Variants in RASA3 observed in about 807,000 individuals in gnomAD.
RASA3 encodes the protein ras GTPase-activating protein 3.
In RASA3, 73 loss-of-function variants were observed where a neutral mutation model predicts 110.0. That is an observed-to-expected ratio of 0.66 (90% CI 0.55 to 0.81). RASA3 has a LOEUF of 0.81. Among genes scored for constraint, RASA3 ranks in the 30% least tolerant of loss-of-function variants. The pLI is 0.00. For synonymous variants in RASA3, 500 were observed against 451.4 expected (o/e 1.11, Z -1.37); for missense variants, 976 against 1,113.2 (o/e 0.88, Z 1.75).
At chr13:113,996,915 C>T (rs1322965261) in intron 20 of RASA3, among the ~76,000 whole-genome samples, 176 bp from the exon 21 acceptor site, 1 of 152,252 alleles carries the variant, frequency 6.6e-6, no homozygotes, top group Non-Finnish European at 1.5e-5. Flanking sequence ...CCAGGGGGTG[C>T]ATGGAGCTCT....
intron 3 of RASA3, 143 bp downstream of exon 3, chr13:114,051,909 G>A: frequency 1.6e-6 from 1 of 609,236 alleles, no homozygotes; most frequent in Non-Finnish European, 2.9e-6. Flanking sequence ...GAGCAGATCA[G>A]GAGGAACACC....
intron 8 of RASA3, 34 bp from the exon 9 acceptor site, chr13:114,021,542 G>C (rs372525625): frequency 1.1e-5 from 18 of 1,586,670 alleles, no homozygotes; most frequent in Non-Finnish European, 1.6e-5. Flanking sequence ...TCTAGCTGAC[G>C]GCGGGCAGCC....
chr13:114,017,154 G>T (rs1480683588), intron 12 of RASA3, 83 bp downstream of exon 12: 5 of 1,273,002 alleles, frequency 3.9e-6, no homozygotes, highest in Non-Finnish European at 5.7e-6. Context: ...TCGTGGTCTG[G>T]CTGGATCCCA....
At position 114,018,250 on chromosome 13, in the gene RASA3, G is replaced by A. The variant is rs764185294; in HGVS notation, c.945C>T (p.Pro315=). 14 of 1,550,860 alleles carry A rather than the reference G, an allele frequency of 9.0e-6. No individual in the cohort carries two copies. The highest frequency in any genetic ancestry group is 6.8e-5 in the African/African-American group (5 of 73,090). The change falls in exon 11 of 24, where the codon CCC becomes CCT. Residue 315 remains proline, a splice_region_variant and synonymous_variant. Coordinates refer to ENST00000334062, the MANE Select transcript of RASA3 (RefSeq NM_007368.4). The part of the protein sequence containing the change: ...DLLLKSADVE[P]VSASAAHILG... ...GGATGTGGGCCGCAGACGCTGACAC[G>A]GGCTGCGGGGAGGGGTGAGGTCAGT...
chr13:114,009,915 A>G (rs1594313928), intron 16 of RASA3, among the ~76,000 whole-genome samples: 2 of 152,304 alleles, frequency 1.3e-5, no homozygotes, highest in East Asian at 3.9e-4. Context: ...CACACGGGGA[A>G]GTGGAGGCAC....
rs1193773605 is a variant in RASA3, at chr13:113,978,181, C to CCCCT, written c.*1162_*1165dup. 1 of 152,194 alleles carries CCCCT rather than the reference C, an allele frequency of 6.6e-6. No individual in the cohort carries two copies. Among genetic ancestry groups the CCCCT allele is most frequent in the African/African-American group, 2.4e-5 (1 of 41,424 alleles). The allele number at this position is 152,194 out of a possible 1,614,324, so 9.4% of individuals were successfully genotyped here. On this transcript the variant is annotated 3_prime_UTR_variant, in exon 24 of 24. Transcript: ENST00000334062. The stretch of plus-strand genomic sequence containing the variant: ...GCCTGGACCCCATTTTTAGGATGCT[C>CCCCT]CCCTCCCCAATAAAACAGCAGCCCC...
At chr13:114,083,095 T>C (rs1265974333) in intron 1 of RASA3, among the ~76,000 whole-genome samples, 2 of 152,212 alleles carry the variant, frequency 1.3e-5, no homozygotes, top group Non-Finnish European at 2.9e-5. Context: ...CAAATTATAT[T>C]AAGCTGACAT....
At chr13:114,132,395 G>T in intron 1 of RASA3, 40 bp downstream of exon 1, 1 of 1,485,872 alleles carries the variant, frequency 6.7e-7, no homozygotes. Flanking sequence ...GACAGGGTCG[G>T]GCCGGGGGGT....
At chr13:114,032,462 A>G (rs7334530) in intron 4 of RASA3, among the ~76,000 whole-genome samples, 93,246 of 152,102 alleles carry the variant, frequency 0.61, 28,625 homozygotes, top group Middle Eastern at 0.75. Flanking sequence ...CCACAACCTC[A>G]GCCTCCCCAC....
At chr13:114,102,542 C>T (rs939177572) in intron 1 of RASA3, among the ~76,000 whole-genome samples, 3 of 152,162 alleles carry the variant, frequency 2.0e-5, no homozygotes, top group African/African-American at 4.8e-5. Flanking sequence ...ACGTTTTGTG[C>T]CAGCACTGCC....
At chr13:113,996,485 C>G in intron 21 of RASA3, 46 bp downstream of exon 21, 1 of 1,567,352 alleles carries the variant, frequency 6.4e-7, no homozygotes, top group South Asian at 1.1e-5. Context: ...CCCTTGGCCA[C>G]ATTTCCTGCA....
chr13:114,011,295 G>T lies in RASA3; in HGVS notation c.1513-47C>A. On this transcript the variant is annotated intron_variant, in intron 15 of 23. Coordinates refer to ENST00000334062, the MANE Select transcript of RASA3 (RefSeq NM_007368.4). The surrounding 1 kb of genome is among the most constrained non-coding windows in gnomAD (Gnocchi z 4.8). The stretch of plus-strand genomic sequence containing the variant: ...AGGTCTATGTCAGCATCACAGAAAT[G>T]CTGTGACTGTCCCAGATCGAGGGGA... 1 of 1,492,984 alleles carries T rather than the reference G, an allele frequency of 6.7e-7. No individual in the cohort carries two copies. The highest frequency in any genetic ancestry group is 9.3e-7 in the Non-Finnish European group (1 of 1,075,866). 92.5% of individuals were successfully genotyped at this position (1,492,984 alleles called of 1,614,324 possible).
intron 8 of RASA3, among the ~76,000 whole-genome samples, chr13:114,022,229 G>T (rs2139334641): frequency 6.6e-6 from 1 of 152,324 alleles, no homozygotes; most frequent in Non-Finnish European, 1.5e-5. Context: ...TAACACAGCA[G>T]CGGCTCCCAC....
intron 18 of RASA3, among the ~76,000 whole-genome samples, chr13:114,003,544 T>C (rs142820673): frequency 0.04 from 6,088 of 152,346 alleles, 182 homozygotes; most frequent in Non-Finnish European, 0.065. Context: ...TTAGAAATAA[T>C]AGTTTCTTTT....
chr13:114,078,226 C>T (rs544023580), intron 1 of RASA3, among the ~76,000 whole-genome samples: 66 of 152,336 alleles, frequency 4.3e-4, no homozygotes, highest in African/African-American at 1.5e-3. Context: ...GCCCCAGCTC[C>T]CAAGCAACTG....
intron 3 of RASA3, among the ~76,000 whole-genome samples, chr13:114,045,209 A>G (rs1258981794): frequency 6.6e-6 from 1 of 152,224 alleles, no homozygotes; most frequent in Non-Finnish European, 1.5e-5. Flanking sequence ...CACGGCGTCT[A>G]CTTAAATTTC....
At chr13:113,998,822 C>T (rs939967706) in intron 20 of RASA3, among the ~76,000 whole-genome samples, 22 of 152,216 alleles carry the variant, frequency 1.4e-4, no homozygotes, top group African/African-American at 3.6e-4. Flanking sequence ...GTGGGCCAGA[C>T]GGAGGGGGCA....
chr13:114,034,124 G>C (rs1594360605), intron 4 of RASA3, among the ~76,000 whole-genome samples: 2 of 152,212 alleles, frequency 1.3e-5, no homozygotes, highest in Admixed American at 6.5e-5. Context: ...ACGGGCTAAA[G>C]GAGTGCCCTG....
intron 21 of RASA3, among the ~76,000 whole-genome samples, chr13:113,995,696 GGGGGCTGGCTGAC>G (rs2053220731): frequency 7.1e-6 from 1 of 141,404 alleles, no homozygotes; most frequent in Admixed American, 6.9e-5. Context: ...CCGGCTGATG[GGGGGCTGGCTGAC>G]GGAGGACCCA....
Sources: gnomAD v4.1 joint callset for allele counts (sites outside exome capture counted in the v4.1 genomes callset) on GRCh38, gnomAD v4.1.1 for gene constraint, Gnocchi (gnomAD v3.1) non-coding constraint, MANE v1.5 for transcripts, NCBI Gene and HGNC (gene_info 2026-07-23, HGNC 2026-07-21) for gene names.